The following COMMD10 variants were observed in gnomAD, a reference collection of about 807,000 sequenced individuals.
COMMD10 encodes the protein COMM domain containing 10, also known as COMM domain-containing protein 10.
COMMD10 carries 33 observed loss-of-function variants against 28.9 expected under a neutral mutation model. The ratio of observed to expected loss-of-function variants is 1.14; its 90% CI spans 0.87 to 1.53. The LOEUF (loss-of-function observed/expected upper bound fraction) is 1.53, where lower values mean the gene tolerates loss of function less well. COMMD10 is among the 40% of genes most tolerant of loss of function. The probability of loss-of-function intolerance (pLI) is 0.00; values close to 1 mark genes in which losing one functional copy is unlikely to be tolerated. For missense variants in COMMD10, 310 were observed against 233.4 expected, an observed-to-expected ratio of 1.33 and a Z score of -2.14; for synonymous variants, 110 against 81.7, an observed-to-expected ratio of 1.35 and a Z score of -1.87.
At chr5:116,164,005 C>T (rs1373394419) in intron 5 of COMMD10, among the ~76,000 whole-genome samples, 1 of 152,074 alleles carries the variant, frequency 6.6e-6, no homozygotes, top group African/African-American at 2.4e-5. Flanking sequence ...CTTTGTGTAA[C>T]TATTTTCCTT....
At chr5:116,195,185 A>G (rs1299586741) in intron 5 of COMMD10, among the ~76,000 whole-genome samples, 2 of 152,186 alleles carry the variant, frequency 1.3e-5, no homozygotes, top group African/African-American at 2.4e-5. Context: ...AAAGCCATCA[A>G]TGACAAACCC....
intron 5 of COMMD10, among the ~76,000 whole-genome samples, chr5:116,146,910 G>A (rs1752368719): frequency 6.6e-6 from 1 of 151,662 alleles, no homozygotes. Context: ...AAGTTTCTCA[G>A]CTGTCCTTAA....
chr5:116,257,622 T>G (rs1469908902), intron 5 of COMMD10, among the ~76,000 whole-genome samples: 2 of 151,648 alleles, frequency 1.3e-5, no homozygotes, highest in Non-Finnish European at 2.9e-5. Context: ...GCCCTTTACC[T>G]GAAATCATGG....
chr5:116,199,863 T>C (rs1748618606), intron 5 of COMMD10, among the ~76,000 whole-genome samples: 2 of 152,172 alleles, frequency 1.3e-5, no homozygotes, highest in Admixed American at 1.3e-4. Flanking sequence ...TACAGGTATG[T>C]AGCACCATGC....
intron 5 of COMMD10, among the ~76,000 whole-genome samples, chr5:116,220,048 A>C (rs1749206165): frequency 6.6e-6 from 1 of 150,834 alleles, no homozygotes; most frequent in Admixed American, 6.7e-5. Context: ...GTCGGAGCCC[A>C]GGTTATTCTA....
intron 5 of COMMD10, among the ~76,000 whole-genome samples, chr5:116,231,585 T>C (rs572251261): frequency 6.6e-6 from 1 of 150,438 alleles, no homozygotes; most frequent in South Asian, 2.1e-4. Flanking sequence ...AGCTTTAGTC[T>C]AATGACAAAC....
chr5:116,194,501 C>G (rs757424821), intron 5 of COMMD10, among the ~76,000 whole-genome samples: 4 of 152,044 alleles, frequency 2.6e-5, no homozygotes, highest in African/African-American at 9.7e-5. Context: ...AACTGACACT[C>G]CTGAACTACA....
At chr5:116,269,845 A>G (rs983743240) in intron 5 of COMMD10, among the ~76,000 whole-genome samples, 4 of 151,794 alleles carry the variant, frequency 2.6e-5, no homozygotes, top group African/African-American at 9.7e-5. Flanking sequence ...CTTTTGTTAG[A>G]GGAATAAGGG....
intron 5 of COMMD10, among the ~76,000 whole-genome samples, chr5:116,153,524 C>T (rs1752605300): frequency 6.6e-6 from 1 of 152,046 alleles, no homozygotes; most frequent in Non-Finnish European, 1.5e-5. Flanking sequence ...ATGATCAAGA[C>T]AATAATGATA....
At chr5:116,124,937 C>T (rs1751572249) in intron 4 of COMMD10, among the ~76,000 whole-genome samples, 1 of 152,104 alleles carries the variant, frequency 6.6e-6, no homozygotes, top group African/African-American at 2.4e-5. Context: ...TCCTCTATCC[C>T]TTTATTTTGA....
chr5:116,185,333 C>T (rs1020109656), intron 5 of COMMD10, among the ~76,000 whole-genome samples: 1 of 152,108 alleles, frequency 6.6e-6, no homozygotes, highest in Non-Finnish European at 1.5e-5. Flanking sequence ...GGGCATTTAA[C>T]AGAACCTCAG....
At chr5:116,213,656 A>G (rs1205603532) in intron 5 of COMMD10, among the ~76,000 whole-genome samples, 1 of 152,146 alleles carries the variant, frequency 6.6e-6, no homozygotes, top group Non-Finnish European at 1.5e-5. Flanking sequence ...ACCATTTGCC[A>G]TCTCATTTCC....
intron 4 of COMMD10, among the ~76,000 whole-genome samples, chr5:116,110,375 C>T (rs955169797): frequency 6.6e-6 from 1 of 152,102 alleles, no homozygotes; most frequent in African/African-American, 2.4e-5. Flanking sequence ...TGGGATGATA[C>T]TGGAGAATGA....
At position 116,104,052 on chromosome 5, in the gene COMMD10, C is replaced by T. The variant is rs1166926274; in HGVS notation, c.399+11352C>T. Among the ~76,000 whole-genome samples the T allele has an allele frequency of 3.3e-5, 5 of 152,086 alleles. No individual in the cohort carries two copies. The East Asian group carries it at 5.8e-4, about 18-fold the overall frequency. The stretch of plus-strand genomic sequence containing the variant: ...ACTACACTGTTTTGGTTACTGTAGC[C>T]TCGTAGTGTAGTTTGAAGTCAGGTA... On this transcript the variant is annotated intron_variant, in intron 4 of 6. Transcript: ENST00000274458.
intron 5 of COMMD10, among the ~76,000 whole-genome samples, chr5:116,168,560 C>A (rs1357443065): frequency 2.6e-5 from 4 of 152,110 alleles, no homozygotes; most frequent in African/African-American, 9.7e-5. Flanking sequence ...CGCACTTATT[C>A]TAAAATTGAC....
chr5:116,187,282 G>T (rs1324848951), intron 5 of COMMD10, among the ~76,000 whole-genome samples: 1 of 152,092 alleles, frequency 6.6e-6, no homozygotes, highest in Non-Finnish European at 1.5e-5. Context: ...TAGCTAAAAT[G>T]TGTGATAAAT....
intron 4 of COMMD10, among the ~76,000 whole-genome samples, chr5:116,121,524 A>T (rs1751435245): frequency 6.6e-6 from 1 of 152,198 alleles, no homozygotes; most frequent in Admixed American, 6.5e-5. Flanking sequence ...GTCACATGGT[A>T]TTTCTAGTTC....
At chr5:116,176,250 T>G (rs1203359864) in intron 5 of COMMD10, among the ~76,000 whole-genome samples, 2 of 152,182 alleles carry the variant, frequency 1.3e-5, no homozygotes, top group Non-Finnish European at 2.9e-5. Context: ...TAGCTGAGAT[T>G]ACAGGCATGT....
At chr5:116,257,517 C>T (rs894322381) in intron 5 of COMMD10, among the ~76,000 whole-genome samples, 1 of 151,554 alleles carries the variant, frequency 6.6e-6, no homozygotes, top group Non-Finnish European at 1.5e-5. Context: ...TAAGACAAAA[C>T]AGCTTTTGAC....
Sources: gnomAD v4.1 joint callset for allele counts (sites outside exome capture counted in the v4.1 genomes callset) on GRCh38, gnomAD v4.1.1 for gene constraint, MANE v1.5 for transcripts, NCBI Gene and HGNC (gene_info 2026-07-23, HGNC 2026-07-21) for gene names.